Variants in FLYWCH1 observed in about 807,000 individuals in gnomAD.
The protein encoded by FLYWCH1 is FLYWCH-type zinc finger-containing protein 1.
In FLYWCH1, 75 loss-of-function variants were observed where a neutral mutation model predicts 66.4. The ratio of observed to expected loss-of-function variants is 1.13; its 90% CI spans 0.94 to 1.37. The LOEUF is 1.37. Among genes scored for constraint, FLYWCH1 ranks in the 40% most tolerant of loss-of-function variants. The pLI is 0.00. For synonymous variants in FLYWCH1, 595 were observed against 429.9 expected (o/e 1.38, Z -4.75); for missense variants, 1,334 against 1,001.8 (o/e 1.33, Z -4.48).
chr16:2,943,751 C>G (rs966609766), intron 9 of FLYWCH1, among the ~76,000 whole-genome samples: 1 of 152,014 alleles, frequency 6.6e-6, no homozygotes, highest in East Asian at 1.9e-4. Context: ...GCCTGGCCAA[C>G]ATAGTGAAAC....
chr16:2,933,087 C>A (rs768809213), intron 4 of FLYWCH1, 43 bp from the exon 5 acceptor site: 3 of 1,562,316 alleles, frequency 1.9e-6, no homozygotes, highest in Non-Finnish European at 2.6e-6. Flanking sequence ...TCCTGGGCTC[C>A]TCTCCACCCC....
intron 6 of FLYWCH1, chr16:2,935,180 C>T (rs2070946885): frequency 6.5e-6 from 1 of 152,778 alleles, no homozygotes; most frequent in African/African-American, 2.4e-5. Context: ...GCCTCGGCCT[C>T]CCAAAGTGCT....
chr16:2,925,503 C>T (rs1004425912), intron 2 of FLYWCH1, among the ~76,000 whole-genome samples: 5 of 128,224 alleles, frequency 3.9e-5, no homozygotes, highest in African/African-American at 1.5e-4. Flanking sequence ...AGCGAGGGAG[C>T]GGGAGGGGCG....
At chr16:2,927,610 T>C (rs955388899) in intron 2 of FLYWCH1, among the ~76,000 whole-genome samples, 1 of 152,076 alleles carries the variant, frequency 6.6e-6, no homozygotes, top group Non-Finnish European at 1.5e-5. Context: ...GTTAGAACAT[T>C]TGGGGGGAAA....
At chr16:2,914,998 C>G (rs1291267336) in intron 2 of FLYWCH1, among the ~76,000 whole-genome samples, 1 of 144,056 alleles carries the variant, frequency 6.9e-6, no homozygotes, top group African/African-American at 2.6e-5. Flanking sequence ...TACTGTAAAA[C>G]AATGGGTATC....
rs1209565365 is a variant in FLYWCH1, at chr16:2,930,448, G to T, written c.364G>T (p.Gly122Trp). 4.0e-6 allele frequency: 6 copies of T among 1,493,160 alleles called. No homozygotes were observed. The South Asian group carries it at 6.7e-5, about 17-fold the overall frequency. 92.5% of individuals were successfully genotyped at this position (1,493,160 alleles called of 1,614,324 possible). ...CCTGGAGTTCCTGAGGACACCATTCGGGGGCCGCCTCCTGGTGCTGGAGTC... is the reference window on the plus strand; with the variant it reads ...CCTGGAGTTCCTGAGGACACCATTCTGGGGCCGCCTCCTGGTGCTGGAGTC... ...QSLEFLRTPF[G>W]GRLLVLESFL... is the part of the protein sequence containing the mutation. Residue 122 changes from glycine to tryptophan, a missense_variant, in exon 4 of 10, where the codon GGG becomes TGG. Coordinates refer to ENST00000253928, the MANE Select transcript of FLYWCH1 (RefSeq NM_001308068.2).
chr16:2,934,610 C>A (rs1264847092), intron 6 of FLYWCH1: 1 of 456,798 alleles, frequency 2.2e-6, no homozygotes, highest in Admixed American at 2.3e-5. Flanking sequence ...CCTTCACGCC[C>A]CAAGGCGCTG....
In FLYWCH1 at chr16:2,930,872, T is replaced by C. The variant is rs2070739334; in HGVS notation, c.788T>C (p.Leu263Pro). 3 of 1,589,178 alleles carry C rather than the reference T, an allele frequency of 1.9e-6. No individual in the cohort carries two copies. The highest frequency in any genetic ancestry group is 1.7e-6 in the Non-Finnish European group (2 of 1,172,866). ...CTGCCGCCCAAGAAGCGCTCGATCC[T>C]GGGGCTGGGTGAGTACAATCCACTC... ...LSLPPKKRSILGLGQARPLEF... is the reference protein window; with the variant it reads ...LSLPPKKRSIPGLGQARPLEF... Residue 263 changes from leucine (L) to proline (P), a missense_variant, in exon 4 of 10, where the codon CTG (leucine) becomes CCG (proline). Leu to Pro is a moderately conservative substitution (Grantham distance 98). Transcript: ENST00000253928.
chr16:2,944,936 G>A (rs928886657), intron 9 of FLYWCH1, among the ~76,000 whole-genome samples: 1 of 152,170 alleles, frequency 6.6e-6, no homozygotes, highest in African/African-American at 2.4e-5. Flanking sequence ...AGCTCTAAAT[G>A]TATTATTGTC....
chr16:2,945,858 G>C (rs1045520238), intron 9 of FLYWCH1, among the ~76,000 whole-genome samples: 1 of 151,756 alleles, frequency 6.6e-6, no homozygotes, highest in Admixed American at 6.6e-5. Flanking sequence ...TTAGCCGAGC[G>C]TGGTGGCAGG....
chr16:2,944,386 C>T (rs1194931841), intron 9 of FLYWCH1, among the ~76,000 whole-genome samples: 2 of 133,570 alleles, frequency 1.5e-5, no homozygotes, highest in African/African-American at 5.5e-5. Context: ...AAGAGTGAAA[C>T]TCCATCTCAA....
In FLYWCH1 at chr16:2,933,397, A is replaced by C. The variant is rs755095419; in HGVS notation, c.1064A>C (p.Gln355Pro). 6.2e-7 allele frequency: 1 copy of C among 1,602,162 alleles called. No individual in the cohort carries two copies. The highest frequency in any genetic ancestry group is 1.1e-5 in the South Asian group (1 of 89,386). ...GCCGTGGAGACGCTGCAGGCTGGGC[A>C]GGACGGCCCTGGGAGCCAAGTGGAC... ...EKAVETLQAG[Q>P]DGPGSQVDTL... Residue 355 changes from glutamine (Q) to proline (P), a missense_variant, in exon 5 of 10, where the codon CAG becomes CCG. Gln to Pro is a moderately conservative substitution (Grantham distance 76). Coordinates refer to ENST00000253928, the MANE Select transcript of FLYWCH1 (RefSeq NM_001308068.2).
intron 8 of FLYWCH1, among the ~76,000 whole-genome samples, chr16:2,938,920 T>C (rs2071142772): frequency 1.3e-5 from 2 of 151,120 alleles, no homozygotes; most frequent in Admixed American, 6.6e-5. Flanking sequence ...CCTTTTTTTT[T>C]TCTTGAGTCA....
chr16:2,934,700 G>C, intron 6 of FLYWCH1: 1 of 455,650 alleles, frequency 2.2e-6, no homozygotes, highest in Non-Finnish European at 4.4e-6. Context: ...AGTTCTCTCG[G>C]ACTTGAGAGC....
At chr16:2,941,121 CAG>C (rs1224673998) in intron 9 of FLYWCH1, among the ~76,000 whole-genome samples, 1 of 152,024 alleles carries the variant, frequency 6.6e-6, no homozygotes, top group Non-Finnish European at 1.5e-5. Flanking sequence ...TTGGGAAACT[CAG>C]AAATACGTAG....
intron 6 of FLYWCH1, chr16:2,936,116 T>C (rs1596383712): frequency 3.7e-6 from 1 of 271,468 alleles, no homozygotes; most frequent in African/African-American, 2.2e-5. Context: ...TTTCACCATG[T>C]TGGCCAGGCT....
At chr16:2,916,340 A>G (rs1454426798) in intron 2 of FLYWCH1, among the ~76,000 whole-genome samples, 1 of 152,088 alleles carries the variant, frequency 6.6e-6, no homozygotes, top group Admixed American at 6.6e-5. Context: ...ACTCCATCTC[A>G]AAACAAAAAT....
rs1412185074 is a variant in FLYWCH1 at position 2,933,839 on chromosome 16, T to G, written c.1373T>G (p.Met458Arg). The G allele has an allele frequency of 6.2e-7, 1 of 1,600,358 alleles. No individual in the cohort carries two copies. The highest frequency in any genetic ancestry group is 1.3e-5 in the African/African-American group (1 of 74,262). The change falls in exon 6 of 10, where the codon ATG becomes AGG. Residue 458 changes from methionine (M) to arginine (R), a missense_variant. Transcript: ENST00000253928. Reference sequence around the variant, plus strand: ...TGGACCTGCCGGGACCAGGCCCGCATGGGCTGCCGCAGCCGCGCCATCACC... The same window carrying G: ...TGGACCTGCCGGGACCAGGCCCGCAGGGGCTGCCGCAGCCGCGCCATCACC... ...VYWTCRDQARMGCRSRAITQG... is the reference protein window; with the variant it reads ...VYWTCRDQARRGCRSRAITQG...
At chr16:2,914,405 C>T (rs2070097142) in intron 2 of FLYWCH1, 116 bp downstream of exon 2, 1 of 152,244 alleles carries the variant, frequency 6.6e-6, no homozygotes, top group Non-Finnish European at 1.5e-5. Flanking sequence ...ACATGTGACC[C>T]TTAGGTCTAC....
Sources: allele counts gnomAD v4.1 joint callset (sites outside exome capture counted in the v4.1 genomes callset), GRCh38; gene constraint gnomAD v4.1.1; transcripts MANE v1.5; gene names NCBI Gene and HGNC (gene_info 2026-07-23, HGNC 2026-07-21).